Variants in KLHDC1 observed in about 807,000 individuals in gnomAD.
The protein encoded by KLHDC1 is kelch domain containing 1.
In KLHDC1, 53 loss-of-function variants were observed where a neutral mutation model predicts 68.3. That is an observed-to-expected ratio of 0.78 (90% CI 0.62 to 0.98). KLHDC1 has a LOEUF of 0.98. Among genes scored for constraint, KLHDC1 ranks in the 50% least tolerant of loss-of-function variants. KLHDC1 has a pLI of 0.00. For synonymous variants in KLHDC1, 148 were observed against 159.0 expected (o/e 0.93, Z 0.52); for missense variants, 470 against 492.3 (o/e 0.95, Z 0.43).
At chr14:49,749,751 A>G (rs1889282997) in intron 12 of KLHDC1, among the ~76,000 whole-genome samples, 1 of 151,960 alleles carries the variant, frequency 6.6e-6, no homozygotes, top group African/African-American at 2.4e-5. Context: ...CAATTTGGGA[A>G]TTTGGGGCTA....
chr14:49,715,284 A>C (rs1325454050), intron 4 of KLHDC1, among the ~76,000 whole-genome samples: 1 of 150,476 alleles, frequency 6.6e-6, no homozygotes, highest in Non-Finnish European at 1.5e-5. Flanking sequence ...CACCACACCC[A>C]GCTAATTTTT....
intron 4 of KLHDC1, among the ~76,000 whole-genome samples, chr14:49,711,800 T>G (rs1298754371): frequency 6.6e-6 from 1 of 152,068 alleles, no homozygotes; most frequent in East Asian, 1.9e-4. Flanking sequence ...ATTTCCAGTT[T>G]TCAGATTTGC....
At chr14:49,738,540 G>A (rs1428899601) in intron 10 of KLHDC1, among the ~76,000 whole-genome samples, 6 of 151,912 alleles carry the variant, frequency 3.9e-5, no homozygotes, top group Non-Finnish European at 8.8e-5. Flanking sequence ...AGTAGAGATG[G>A]GGTTTCACCA....
At chr14:49,734,437 C>G in intron 9 of KLHDC1, 152 bp from the exon 10 acceptor site, 1 of 447,678 alleles carries the variant, frequency 2.2e-6, no homozygotes, top group African/African-American at 2.0e-5. Context: ...GTCATGGTCA[C>G]TCTATTTTTG....
At chr14:49,731,254 T>C (rs1293853039) in intron 8 of KLHDC1, among the ~76,000 whole-genome samples, 1 of 152,070 alleles carries the variant, frequency 6.6e-6, no homozygotes, top group Admixed American at 6.6e-5. Context: ...CACTCCAGCT[T>C]GGGAAACGAG....
At chr14:49,720,915 A>G (rs1888508998) in intron 4 of KLHDC1, among the ~76,000 whole-genome samples, 1 of 152,192 alleles carries the variant, frequency 6.6e-6, no homozygotes, top group African/African-American at 2.4e-5. Flanking sequence ...TTTAACCTAT[A>G]TAATGAATTC....
At chr14:49,717,794 T>C (rs1888417820) in intron 4 of KLHDC1, among the ~76,000 whole-genome samples, 1 of 152,162 alleles carries the variant, frequency 6.6e-6, no homozygotes, top group African/African-American at 2.4e-5. Flanking sequence ...TTCTTGGGCT[T>C]TTCTTTCTTG....
intron 4 of KLHDC1, among the ~76,000 whole-genome samples, chr14:49,718,218 A>G (rs1030320612): frequency 2.0e-5 from 3 of 151,978 alleles, no homozygotes. Flanking sequence ...GAAGTTTTCC[A>G]TTTCATCTAA....
In KLHDC1 at chr14:49,710,287, A is replaced by C; in HGVS notation, c.310A>C (p.Arg104=). 1.2e-6 allele frequency: 2 copies of C among 1,604,878 alleles called. No homozygotes were observed. Among genetic ancestry groups the C allele is most frequent in the Non-Finnish European group, 1.7e-6 (2 of 1,171,872 alleles). Residue 104 remains arginine (R), a synonymous_variant, in exon 4 of 13, where the codon AGA becomes CGA. Transcript: ENST00000359332. ...NRLYFVNLRT[R]DETYIWEKIT... is the part of the protein sequence containing the mutation. ...GCTTTATTTTGTTAATTTACGAACA[A>C]GAGATGAAACCTACATTTGGGAGAA...
At chr14:49,702,749 T>A (rs867921538) in intron 1 of KLHDC1, among the ~76,000 whole-genome samples, 9 of 152,222 alleles carry the variant, frequency 5.9e-5, no homozygotes, top group African/African-American at 2.2e-4. Flanking sequence ...CCTGCCTTAC[T>A]TGCAGCTAGG....
At chr14:49,696,959 C>T (rs1171075409) in intron 1 of KLHDC1, among the ~76,000 whole-genome samples, 5 of 148,168 alleles carry the variant, frequency 3.4e-5, no homozygotes, top group African/African-American at 7.5e-5. Context: ...TTTTTTAAGA[C>T]GGAGTCTCGC....
chr14:49,725,717 A>T lies in KLHDC1; in HGVS notation c.515A>T (p.Asp172Val). Residue 172 changes from aspartate (D) to valine (V), a missense_variant, in exon 6 of 13, where the codon GAT becomes GTT. Transcript: ENST00000359332. ...EEQIFWGWHN[D>V]VHIFDTKTQT... ...CAGATATTCTGGGGATGGCATAATG[A>T]TGTCCACATATTTGACACAAAGACA... 1 of 1,581,680 alleles carries T rather than the reference A, an allele frequency of 6.3e-7. No individual in the cohort carries two copies. The highest frequency in any genetic ancestry group is 2.3e-5 in the East Asian group (1 of 44,312).
At chr14:49,742,284 A>T (rs1453548458) in intron 11 of KLHDC1, among the ~76,000 whole-genome samples, 1 of 152,238 alleles carries the variant, frequency 6.6e-6, no homozygotes, top group Non-Finnish European at 1.5e-5. Flanking sequence ...AAAGGATTAG[A>T]TACATTTTCT....
chr14:49,707,297 T>TGTGTGTGTGTGTGTGTGA (rs926974146), intron 1 of KLHDC1, among the ~76,000 whole-genome samples: 7 of 120,856 alleles, frequency 5.8e-5, no homozygotes, highest in African/African-American at 1.9e-4. Context: ...TGTGTGTGTG[T>TGTGTGTGTGTGTGTGTGA]GAGAGAGAGA....
intron 12 of KLHDC1, among the ~76,000 whole-genome samples, chr14:49,747,401 G>A (rs1180280057): frequency 2.0e-5 from 3 of 152,272 alleles, no homozygotes; most frequent in South Asian, 4.1e-4. Context: ...TTTATATGCC[G>A]GTTGGGCAGG....
Position 49,704,387 on chromosome 14 carries a change from G to GTTTTTTTTTTTTT in KLHDC1, c.97-4760_97-4748dup, listed in dbSNP as rs35067251. On this transcript the variant is annotated intron_variant, in intron 1 of 12. Coordinates refer to ENST00000359332, the MANE Select transcript of KLHDC1 (RefSeq NM_172193.3). ...GTCTTTTTATTTTTTTTCCTTTTCT[G>GTTTTTTTTTTTTT]TTTTTTTTTTTTTTTTTTTTTTTTG... Among the ~76,000 whole-genome samples, 9 of 68,690 alleles carry GTTTTTTTTTTTTT rather than the reference G, an allele frequency of 1.3e-4. 1 individual carries two copies. Among genetic ancestry groups the GTTTTTTTTTTTTT allele is most frequent in the Admixed American group, 2.6e-4 (1 of 3,902 alleles). 45.1% of individuals were successfully genotyped at this position (68,690 alleles called of 152,430 possible).
At chr14:49,743,094 AAG>A (rs1889105569) in intron 11 of KLHDC1, among the ~76,000 whole-genome samples, 1 of 149,576 alleles carries the variant, frequency 6.7e-6, no homozygotes, top group South Asian at 2.1e-4. Flanking sequence ...AAAAAAAAAA[AAG>A]GTTTGAAAAC....
At chr14:49,713,827 TATATATATATATATATA>T (rs1888285122) in intron 4 of KLHDC1, among the ~76,000 whole-genome samples, 19 of 6,242 alleles carry the variant, frequency 3.0e-3, no homozygotes, top group East Asian at 5.4e-3. Context: ...TATATATATA[TATATATATATATATATA>T]TATATATTTT....
intron 2 of KLHDC1, 47 bp from the exon 3 acceptor site, chr14:49,709,662 T>G: frequency 9.3e-7 from 1 of 1,073,458 alleles, no homozygotes; most frequent in Non-Finnish European, 1.4e-6. Flanking sequence ...AGAATTTTAA[T>G]TTGCCTTTCT....
Sources: gnomAD v4.1 joint callset for allele counts (sites outside exome capture counted in the v4.1 genomes callset) on GRCh38, gnomAD v4.1.1 for gene constraint, MANE v1.5 for transcripts, NCBI Gene and HGNC (gene_info 2026-07-23, HGNC 2026-07-21) for gene names.